Variants in MCPH1 observed in about 807,000 individuals in gnomAD.
The protein encoded by MCPH1 is microcephalin 1, also known as microcephalin.
MCPH1 carries 104 observed loss-of-function variants against 84.5 expected under a neutral mutation model. That is an observed-to-expected ratio of 1.23 (90% confidence interval 1.05 to 1.45). The LOEUF is 1.45. Among genes scored for constraint, MCPH1 ranks in the 40% most tolerant of loss-of-function variants. MCPH1 has a pLI of 0.00. For synonymous variants in MCPH1, 514 were observed against 366.8 expected, an observed-to-expected ratio of 1.40 and a Z score of -4.58; for missense variants, 1,498 against 1,005.7, an observed-to-expected ratio of 1.49 and a Z score of -6.62.
At chr8:6,613,207 G>C (rs1830448301) in intron 12 of MCPH1, among the ~76,000 whole-genome samples, 1 of 152,192 alleles carries the variant, frequency 6.6e-6, no homozygotes, top group African/African-American at 2.4e-5. Flanking sequence ...GGCTGAGCGT[G>C]AGAAAGGGCT....
Position 6,514,896 on chromosome 8 carries a change from T to C in MCPH1, c.2214+14967T>C, listed in dbSNP as rs559491948. 1.9e-5 allele frequency: 15 copies of C among 771,192 alleles called. No homozygotes were observed. The East Asian group carries it at 3.5e-4, about 18-fold the overall frequency. 47.8% of individuals were successfully genotyped at this position (771,192 alleles called of 1,614,324 possible). On this transcript the variant is annotated intron_variant, in intron 12 of 13. Coordinates refer to ENST00000344683, the MANE Select transcript of MCPH1 (RefSeq NM_024596.5). ...ACTCAGCCGAGAGGGTTCTCTGGGA[T>C]ATAAGGCACGGAGTAGACCATCGGG...
chr8:6,510,166 T>C (rs568164044), intron 12 of MCPH1, among the ~76,000 whole-genome samples: 1 of 151,706 alleles, frequency 6.6e-6, no homozygotes, highest in Non-Finnish European at 1.5e-5. Flanking sequence ...TTCTTTTTTT[T>C]TTTTTATTTT....
At chr8:6,490,866 C>T (rs1439974517) in intron 11 of MCPH1, among the ~76,000 whole-genome samples, 2 of 151,644 alleles carry the variant, frequency 1.3e-5, no homozygotes, top group Non-Finnish European at 2.9e-5. Flanking sequence ...GTTCTTGTTT[C>T]TGAAAGAAAG....
chr8:6,552,455 C>T (rs1008773275), intron 12 of MCPH1, among the ~76,000 whole-genome samples: 5 of 152,106 alleles, frequency 3.3e-5, no homozygotes, highest in Non-Finnish European at 5.9e-5. Flanking sequence ...CATTATCTTT[C>T]GAGTAAACAT....
At chr8:6,418,610 G>C (rs568950660) in intron 3 of MCPH1, among the ~76,000 whole-genome samples, 1 of 151,906 alleles carries the variant, frequency 6.6e-6, no homozygotes, top group African/African-American at 2.4e-5. Context: ...TTGAGACGGA[G>C]TCTCGCTCTG....
intron 13 of MCPH1, among the ~76,000 whole-genome samples, chr8:6,623,779 G>T (rs1209081067): frequency 6.9e-6 from 1 of 144,004 alleles, no homozygotes; most frequent in Non-Finnish European, 1.5e-5. Flanking sequence ...TAAATGCCAA[G>T]AATATAACCT....
At chr8:6,630,794 CAA>C (rs11313780) in intron 13 of MCPH1, among the ~76,000 whole-genome samples, 29,843 of 129,516 alleles carry the variant, frequency 0.23, 3,329 homozygotes, top group Non-Finnish European at 0.3. Context: ...AAAAAAAAAA[CAA>C]AAAAAAAAAA....
chr8:6,606,941 C>G (rs1462688227), intron 12 of MCPH1, among the ~76,000 whole-genome samples: 1 of 152,208 alleles, frequency 6.6e-6, no homozygotes, highest in Non-Finnish European at 1.5e-5. Flanking sequence ...CCTCCCCAGC[C>G]ACATGGAACT....
intron 5 of MCPH1, among the ~76,000 whole-genome samples, chr8:6,437,870 C>T (rs1287410831): frequency 2.6e-5 from 4 of 152,226 alleles, no homozygotes; most frequent in African/African-American, 9.6e-5. Flanking sequence ...CCCTCCTGCA[C>T]CACTGCAGCC....
chr8:6,424,016 G>T (rs969073841), intron 3 of MCPH1, among the ~76,000 whole-genome samples: 7 of 152,116 alleles, frequency 4.6e-5, no homozygotes, highest in African/African-American at 1.7e-4. Flanking sequence ...TTGGTGAACT[G>T]CCTGCCTTTC....
chr8:6,447,884 AT>A (rs1202132076), intron 8 of MCPH1, among the ~76,000 whole-genome samples: 1 of 152,074 alleles, frequency 6.6e-6, no homozygotes, highest in Non-Finnish European at 1.5e-5. Flanking sequence ...AAAATCATTA[AT>A]TTTTTTCTTT....
At chr8:6,623,892 C>T (rs1026706988) in intron 13 of MCPH1, among the ~76,000 whole-genome samples, 1 of 152,136 alleles carries the variant, frequency 6.6e-6, no homozygotes. Flanking sequence ...GGCCTGAAAG[C>T]ATGTCTGGGC....
At chr8:6,435,661 C>T (rs746039124) in intron 4 of MCPH1, among the ~76,000 whole-genome samples, 1 of 152,142 alleles carries the variant, frequency 6.6e-6, no homozygotes, top group Non-Finnish European at 1.5e-5. Flanking sequence ...ACGTAACTTG[C>T]AACTTCAGGG....
At chr8:6,470,595 C>G (rs184200705) in intron 9 of MCPH1, among the ~76,000 whole-genome samples, 1 of 152,172 alleles carries the variant, frequency 6.6e-6, no homozygotes, top group African/African-American at 2.4e-5. Context: ...CTGAGATCCT[C>G]GTACTTTTAA....
At chr8:6,492,004 G>A (rs1365738333) in intron 11 of MCPH1, among the ~76,000 whole-genome samples, 6 of 152,188 alleles carry the variant, frequency 3.9e-5, no homozygotes, top group Non-Finnish European at 1.5e-5. Context: ...TAATGGGATG[G>A]CTGGATCAAA....
At position 6,604,507 on chromosome 8, in the gene MCPH1, CTGT is replaced by C. The variant is rs72328809; in HGVS notation, c.2215-16936_2215-16934del. On this transcript the variant is annotated intron_variant, in intron 12 of 13. Coordinates refer to ENST00000344683, the MANE Select transcript of MCPH1 (RefSeq NM_024596.5). The stretch of plus-strand genomic sequence containing the variant: ...GTCAGAATTCTCCAGCCTACGTTTG[CTGT>C]TGTTGTTGTTTTGAGACGGAGTCTC... Among the ~76,000 whole-genome samples, 5,522 of 152,266 alleles carry C rather than the reference CTGT, an allele frequency of 0.036. 626 individuals are homozygous for C. In the East Asian group the frequency reaches 0.44, roughly 12 times the overall value.
At chr8:6,598,413 G>C (rs1008097201) in intron 12 of MCPH1, among the ~76,000 whole-genome samples, 6 of 152,160 alleles carry the variant, frequency 3.9e-5, no homozygotes, top group Non-Finnish European at 1.5e-5. Context: ...CGGCCAGAGT[G>C]CAGCTCTGAG....
At chr8:6,468,523 G>A (rs1370003226) in intron 9 of MCPH1, among the ~76,000 whole-genome samples, 1 of 152,066 alleles carries the variant, frequency 6.6e-6, no homozygotes, top group Non-Finnish European at 1.5e-5. Flanking sequence ...TAGACCCCAT[G>A]GGAGCTTTAG....
chr8:6,519,394 C>G (rs747149089), intron 12 of MCPH1, among the ~76,000 whole-genome samples: 30 of 152,198 alleles, frequency 2.0e-4, no homozygotes, highest in Non-Finnish European at 3.5e-4. Flanking sequence ...GTACAAGTCA[C>G]TATGCAGTCA....
Sources: gnomAD v4.1 joint callset for allele counts (sites outside exome capture counted in the v4.1 genomes callset) on GRCh38, gnomAD v4.1.1 for gene constraint, MANE v1.5 for transcripts, NCBI Gene and HGNC (gene_info 2026-07-23, HGNC 2026-07-21) for gene names.